Variants in WRAP53 observed in about 807,000 individuals in gnomAD.
The protein encoded by WRAP53 is telomerase Cajal body protein 1.
In WRAP53, 28 loss-of-function variants were observed where a neutral mutation model predicts 56.6. The observed-to-expected ratio is 0.50, with a 90% CI of 0.37 to 0.68. WRAP53 has a LOEUF of 0.68. WRAP53 is among the 30% of genes least tolerant of loss of function. WRAP53 has a pLI of 0.00. For synonymous variants in WRAP53, 283 were observed against 283.4 expected (o/e 1.00, Z 0.01); for missense variants, 671 against 715.5 (o/e 0.94, Z 0.71).
At chr17:7,694,234 T>C (rs1445536247) in intron 4 of WRAP53, among the ~76,000 whole-genome samples, 1 of 145,358 alleles carries the variant, frequency 6.9e-6, no homozygotes, top group Non-Finnish European at 1.5e-5. Flanking sequence ...TGTTTTCTTT[T>C]TTTCTTTCTT....
chr17:7,690,167 T>A (rs1295502584), intron 4 of WRAP53, among the ~76,000 whole-genome samples: 1 of 152,252 alleles, frequency 6.6e-6, no homozygotes, highest in African/African-American at 2.4e-5. Context: ...CAGGCTGATA[T>A]CAAATTCCTG....
At chr17:7,687,005 A>T (rs2074005808), upstream of WRAP53, 1 of 261,120 alleles carries the variant, frequency 3.8e-6, no homozygotes, top group African/African-American at 2.2e-5. Context: ...CAATGTTTCG[A>T]GATCCAAAAG....
chr17:7,689,680 G>A lies in WRAP53; in HGVS notation c.621G>A (p.Glu207=), dbSNP rs200805760. The A allele has an allele frequency of 3.7e-6, 6 of 1,614,042 alleles. No homozygotes were observed. The highest frequency in any genetic ancestry group is 5.1e-6 in the Non-Finnish European group (6 of 1,179,920). The part of the protein sequence containing the change: ...NLPPELYHEG[E]QVEYAEMVPV... ...CCCCAGAGCTGTACCATGAGGGGGA[G>A]CAGGTGGAATATGCAGAAATGGTAA... The change falls in exon 4 of 11, where the codon GAG becomes GAA. Residue 207 remains glutamate, a synonymous_variant. Coordinates refer to ENST00000396463, the MANE Select transcript of WRAP53 (RefSeq NM_001143992.2).
At chr17:7,694,855 C>CT (rs35283667) in intron 4 of WRAP53, among the ~76,000 whole-genome samples, 6,720 of 136,802 alleles carry the variant, frequency 0.049, 303 homozygotes, top group African/African-American at 0.13. Flanking sequence ...CCTTTTTGTG[C>CT]TTTTTTTTTT....
intron 4 of WRAP53, among the ~76,000 whole-genome samples, chr17:7,698,269 A>G (rs911597382): frequency 2.0e-5 from 3 of 152,330 alleles, no homozygotes; most frequent in South Asian, 4.1e-4. Context: ...CACACTAGCC[A>G]AAAAACAGAA....
intron 4 of WRAP53, 47 bp from the exon 5 acceptor site, chr17:7,700,694 C>T (rs62062588): frequency 6.4e-6 from 9 of 1,412,186 alleles, no homozygotes; most frequent in Middle Eastern, 1.8e-4. Context: ...GCGCCTCAGA[C>T]TCCTTTTCCC....
At chr17:7,699,501 T>TA (rs1567577543) in intron 4 of WRAP53, among the ~76,000 whole-genome samples, 1,315 of 12,098 alleles carry the variant, frequency 0.11, 143 homozygotes, top group Non-Finnish European at 0.14. Context: ...TATATATATA[T>TA]TTATATATAT....
chr17:7,689,111 T>C (rs1228243832), intron 2 of WRAP53, 32 bp downstream of exon 2: 1 of 1,614,092 alleles, frequency 6.2e-7, no homozygotes, highest in Non-Finnish European at 8.5e-7. Flanking sequence ...GTGTGGAGTC[T>C]GGGGAGATGA....
intron 4 of WRAP53, among the ~76,000 whole-genome samples, chr17:7,693,480 G>A (rs1323463606): frequency 1.3e-5 from 2 of 151,980 alleles, no homozygotes; most frequent in African/African-American, 2.4e-5. Flanking sequence ...GCACTTTGGG[G>A]GGCCGAGGCA....
intron 4 of WRAP53, among the ~76,000 whole-genome samples, chr17:7,691,167 T>C (rs7212296): frequency 0.058 from 8,178 of 142,128 alleles, 496 homozygotes; most frequent in African/African-American, 0.16. Flanking sequence ...CAAGATCATG[T>C]CACTGCACTC....
rs754257593 is a variant in WRAP53 at position 7,688,716 on chromosome 17, CCCAT to C, written c.71_74del (p.His24LeufsTer8). The C allele has an allele frequency of 6.2e-7, 1 of 1,614,210 alleles. No individual in the cohort carries two copies. Among genetic ancestry groups the C allele is most frequent in the South Asian group, 1.1e-5 (1 of 91,086 alleles). On this transcript the variant is annotated frameshift_variant, in exon 2 of 11. Coordinates refer to ENST00000396463, the MANE Select transcript of WRAP53 (RefSeq NM_001143992.2). LOFTEE classifies it high-confidence loss of function. ...CCTTCAGACCAGGACCCAGCTCCAG[CCCAT>C]CCTTCTCCCCACGCTTCCCCGATGA...
rs529113610 is a variant in WRAP53, at chr17:7,700,645, A to C, written c.643-96A>C. 4.6e-5 allele frequency: 38 copies of C among 822,600 alleles called. No homozygotes were observed. The East Asian group carries it at 9.2e-4, about 20-fold the overall frequency. The allele number at this position is 822,600 out of a possible 1,614,324, so 51.0% of individuals were successfully genotyped here. ...AACATTGAGACAGAGTCTGTGCTCC[A>C]TATATACACCCCATCTGCCACAACA... On this transcript the variant is annotated intron_variant, in intron 4 of 10. Transcript: ENST00000396463.
upstream of WRAP53, chr17:7,687,497 A>G (rs1469696496): frequency 2.5e-6 from 1 of 398,578 alleles, no homozygotes; most frequent in African/African-American, 2.1e-5. Flanking sequence ...TGAGAAGCTC[A>G]AAACTTTTAG....
Position 7,703,455 on chromosome 17 carries a change from G to C in WRAP53, c.1616G>C (p.Gly539Ala). 3.1e-6 allele frequency: 5 copies of C among 1,613,586 alleles called. No individual in the cohort carries two copies. Among genetic ancestry groups the C allele is most frequent in the Non-Finnish European group, 4.2e-6 (5 of 1,179,906 alleles). The change falls in exon 11 of 11, where the codon GGA becomes GCA. Residue 539 changes from glycine to alanine, a missense_variant. Gly to Ala is a moderately conservative substitution (Grantham distance 60). Transcript: ENST00000396463. ...DDHQGEKGQG[G>A]TEGGVGELI The stretch of plus-strand genomic sequence containing the variant: ...CACCAGGGCGAGAAAGGGCAGGGAG[G>C]AACGGAGGGAGGTGTGGGTGAGCTG...
intron 4 of WRAP53, among the ~76,000 whole-genome samples, chr17:7,692,400 A>C (rs555450157): frequency 3.3e-5 from 5 of 151,348 alleles, no homozygotes; most frequent in Admixed American, 2.6e-4. Context: ...CAGGTGGATC[A>C]CCTGAGGTCA....
At chr17:7,691,613 G>A (rs191886318) in intron 4 of WRAP53, among the ~76,000 whole-genome samples, 3 of 151,988 alleles carry the variant, frequency 2.0e-5, no homozygotes, top group African/African-American at 7.2e-5. Context: ...GGATGGTCTC[G>A]TACTCCTGAC....
In WRAP53 at chr17:7,702,337, TC is replaced by T. The variant is rs773916846; in HGVS notation, c.956-6del. ...CCCCTCCCCCACTTTGTTCCTTCCC[TC>T]TCTAGCAAAAAAGCAGGGCCAGAGC... is the stretch of plus-strand genomic sequence containing the variant. On this transcript the variant is annotated splice_polypyrimidine_tract_variant and splice_region_variant and intron_variant, in intron 7 of 10. Transcript: ENST00000396463. This position sits in a 1 kb window ranked among gnomAD's most constrained non-coding sequence, Gnocchi z 5.0. The T allele has an allele frequency of 5.5e-5, 89 of 1,614,056 alleles. No individual in the cohort carries two copies. The South Asian group carries it at 9.6e-4, about 17-fold the overall frequency.
chr17:7,699,458 TTATATATATATATATATTTATATA>T (rs1369405287), intron 4 of WRAP53, among the ~76,000 whole-genome samples: 33 of 39,854 alleles, frequency 8.3e-4, no homozygotes, highest in East Asian at 2.5e-3. Flanking sequence ...ATATATATAT[TTATATATATATATATATTTATATA>T]TATATATATA....
Position 7,689,278 on chromosome 17 carries a change from A to G in WRAP53, c.486A>G (p.Ser162=). Residue 162 remains serine, a synonymous_variant, in exon 3 of 11, where the codon TCA becomes TCG. Transcript: ENST00000396463. ...QLPRFLSGSW[S]EFSTQPENFL... ...CTCGATTTCTCAGTGGTTCCTGGTC[A>G]GAGTTCAGCACCCAACCTGAGAACT... 6.2e-7 allele frequency: 1 copy of G among 1,614,072 alleles called. No individual in the cohort carries two copies. The highest frequency in any genetic ancestry group is 2.2e-5 in the East Asian group (1 of 44,880).
Sources: gnomAD v4.1 joint callset for allele counts (sites outside exome capture counted in the v4.1 genomes callset) on GRCh38, gnomAD v4.1.1 for gene constraint, Gnocchi (gnomAD v3.1) non-coding constraint, MANE v1.5 for transcripts, NCBI Gene and HGNC (gene_info 2026-07-23, HGNC 2026-07-21) for gene names.